The following ELL variants were observed in gnomAD, a reference collection of about 807,000 sequenced individuals.
ELL encodes elongation factor for RNA polymerase II.
Under a neutral mutation model 64.0 loss-of-function variants are expected in ELL, and 18 were observed. The ratio of observed to expected loss-of-function variants is 0.28; its 90% CI spans 0.19 to 0.42. ELL has a LOEUF of 0.42. ELL is among the 10% of genes least tolerant of loss of function. The pLI is 1.00. For missense variants in ELL, 797 were observed against 870.4 expected (o/e 0.92, Z 1.06); for synonymous variants, 399 against 376.2 (o/e 1.06, Z -0.70).
chr19:18,506,632 G>T lies in ELL; in HGVS notation c.135+15289C>A, dbSNP rs1975889377. Among the ~76,000 whole-genome samples, 3 of 152,186 alleles carry T rather than the reference G, an allele frequency of 2.0e-5. No individual in the cohort carries two copies. In the South Asian group the frequency reaches 6.2e-4, roughly 31 times the overall value. ...CCCAGCTATTTGGGAGGCTGAGGTAGGAGGATCACTTGAGCCCGGGAGCCA... is the reference window on the plus strand; with the variant it reads ...CCCAGCTATTTGGGAGGCTGAGGTATGAGGATCACTTGAGCCCGGGAGCCA... On this transcript the variant is annotated intron_variant, in intron 1 of 11. Coordinates refer to ENST00000262809, the MANE Select transcript of ELL (RefSeq NM_006532.4).
In ELL at chr19:18,450,773, G is replaced by T. The variant is rs535472837; in HGVS notation, c.1169C>A (p.Pro390His). The T allele has an allele frequency of 7.0e-6, 11 of 1,579,600 alleles. No individual in the cohort carries two copies. Among genetic ancestry groups the T allele is most frequent in the East Asian group, 6.8e-5 (3 of 43,962 alleles). Reference sequence around the variant, plus strand: ...GGCCAGGGGGTCGTGGGCCCTCGGGGGCTCCAGCCGCGGGGGCAGGTGAGT... The same window carrying T: ...GGCCAGGGGGTCGTGGGCCCTCGGGTGCTCCAGCCGCGGGGGCAGGTGAGT... ...SSTHLPPRLE[P>H]PRAHDPLADV... Residue 390 changes from proline to histidine, a missense_variant, in exon 8 of 12, where the codon CCC becomes CAC. Physicochemically the swap from Pro to His is moderately conservative, Grantham distance 77. Coordinates refer to ENST00000262809, the MANE Select transcript of ELL (RefSeq NM_006532.4).
intron 1 of ELL, among the ~76,000 whole-genome samples, chr19:18,516,613 TGATCTG>T (rs1976136474): frequency 6.6e-6 from 1 of 152,010 alleles, no homozygotes; most frequent in East Asian, 1.9e-4. Flanking sequence ...GTTAGATGAG[TGATCTG>T]GAGTCTCCCA....
chr19:18,450,864 T>C lies in ELL; in HGVS notation c.1078A>G (p.Asn360Asp), dbSNP rs1410818001. ...GTGGGCAGCAAGGCCTCACGGCCAT[T>C]GGGCACGCCCAGCTTCCCGTTGACG... Reference protein sequence around the residue: ...PAVNGKLGVPNGREALLPTPG... With the variant: ...PAVNGKLGVPDGREALLPTPG... Residue 360 changes from asparagine to aspartate, a missense_variant, in exon 8 of 12, where the codon AAT becomes GAT. Asn to Asp is a conservative substitution (Grantham distance 23, BLOSUM62 1). Transcript: ENST00000262809. The C allele has an allele frequency of 6.3e-7, 1 of 1,587,604 alleles. No individual in the cohort carries two copies.
At chr19:18,487,513 G>A (rs915829190) in intron 1 of ELL, among the ~76,000 whole-genome samples, 3 of 152,238 alleles carry the variant, frequency 2.0e-5, no homozygotes, top group African/African-American at 4.8e-5. Context: ...AGAGGCAGCT[G>A]CATGAAACCA....
intron 1 of ELL, among the ~76,000 whole-genome samples, chr19:18,508,819 CA>C (rs1278102735): frequency 1.3e-5 from 2 of 152,214 alleles, no homozygotes; most frequent in East Asian, 3.8e-4. Context: ...ACTTTATTTA[CA>C]AAGACAGGTG....
At chr19:18,477,024 C>T (rs141983070) in intron 1 of ELL, among the ~76,000 whole-genome samples, 208 of 152,290 alleles carry the variant, frequency 1.4e-3, no homozygotes, top group African/African-American at 4.8e-3. Flanking sequence ...ACTCCTAAGC[C>T]AGGGGGAAAA....
chr19:18,446,480 C>T lies in ELL; in HGVS notation c.1533G>A (p.Leu511=), dbSNP rs1359407829. Residue 511 remains leucine, a splice_region_variant and synonymous_variant, in exon 10 of 12, where the codon CTG becomes CTA. Transcript: ENST00000262809. ...CCGAAGAGGAGATGGCTGCGTACTTCCTGAAACAGGAGAGAGGGGCCACTG... is the reference window on the plus strand; with the variant it reads ...CCGAAGAGGAGATGGCTGCGTACTTTCTGAAACAGGAGAGAGGGGCCACTG... ...TSTSETPDYL[L]KYAAISSSEQ... is the part of the protein sequence containing the mutation. 1 of 1,611,242 alleles carries T rather than the reference C, an allele frequency of 6.2e-7. No individual in the cohort carries two copies. Among genetic ancestry groups the T allele is most frequent in the East Asian group, 2.2e-5 (1 of 44,854 alleles).
rs1165512245 is a variant in ELL at position 18,444,431 on chromosome 19, A to G, written c.*321T>C. The G allele has an allele frequency of 1.3e-5, 4 of 304,720 alleles. No individual in the cohort carries two copies. The highest frequency in any genetic ancestry group is 2.1e-5 in the African/African-American group (1 of 47,196). The allele number at this position is 304,720 out of a possible 1,614,324, so 18.9% of individuals were successfully genotyped here. A position where few individuals can be genotyped will look rare whatever the true frequency, so the allele number is the denominator to read the frequency against. Reference sequence around the variant, plus strand: ...AAAGTGGCTGTCTTTGTATAAAACTAGAAAAGGCAGGCGCGCCACCCCAAG... The same window carrying G: ...AAAGTGGCTGTCTTTGTATAAAACTGGAAAAGGCAGGCGCGCCACCCCAAG... On this transcript the variant is annotated 3_prime_UTR_variant, in exon 12 of 12. Transcript: ENST00000262809.
chr19:18,478,929 G>T (rs965244743), intron 1 of ELL, among the ~76,000 whole-genome samples: 2 of 152,250 alleles, frequency 1.3e-5, no homozygotes, highest in Non-Finnish European at 2.9e-5. Flanking sequence ...AGGGTGCAGA[G>T]CCTGGGAGGC....
In ELL at chr19:18,480,204, C is replaced by T. The variant is rs77631254; in HGVS notation, c.136-7322G>A. ...CCCGGGAAGAGCCCTGGACGGTGGC[C>T]TCCCCACAACAGGCCCCCCCTTTCC... On this transcript the variant is annotated intron_variant, in intron 1 of 11. Coordinates refer to ENST00000262809, the MANE Select transcript of ELL (RefSeq NM_006532.4). 1.8e-4 allele frequency among the ~76,000 whole-genome samples: 28 copies of T among 152,336 alleles called. 1 individual carries two copies. The East Asian group carries it at 3.9e-3, about 21-fold the overall frequency.
chr19:18,464,956 G>A (rs1317469067), intron 4 of ELL, among the ~76,000 whole-genome samples: 4 of 152,262 alleles, frequency 2.6e-5, no homozygotes, highest in African/African-American at 9.6e-5. Flanking sequence ...GTTGCCGGCT[G>A]TGGTGGCGTT....
chr19:18,497,703 G>T (rs1975687416), intron 1 of ELL, among the ~76,000 whole-genome samples: 1 of 151,000 alleles, frequency 6.6e-6, no homozygotes, highest in South Asian at 2.1e-4. Flanking sequence ...TGTGGTCCCA[G>T]CTACCCGGGA....
intron 5 of ELL, among the ~76,000 whole-genome samples, chr19:18,458,538 G>T (rs954210952): frequency 2.0e-5 from 3 of 152,142 alleles, no homozygotes; most frequent in Non-Finnish European, 4.4e-5. Context: ...GTGCAGAAGG[G>T]ATAATGAGGG....
chr19:18,487,854 C>T (rs1272335951), intron 1 of ELL, among the ~76,000 whole-genome samples: 3 of 152,234 alleles, frequency 2.0e-5, no homozygotes, highest in African/African-American at 4.8e-5. Context: ...ACAATCTGTA[C>T]TTTCAGAATC....
At chr19:18,507,280 C>T (rs553209522) in intron 1 of ELL, among the ~76,000 whole-genome samples, 15 of 152,348 alleles carry the variant, frequency 9.8e-5, no homozygotes, top group Non-Finnish European at 1.9e-4. Flanking sequence ...AAGGGTCACA[C>T]CCAACTCTGA....
intron 1 of ELL, among the ~76,000 whole-genome samples, chr19:18,482,583 G>A (rs920769174): frequency 6.6e-6 from 1 of 151,766 alleles, no homozygotes; most frequent in African/African-American, 2.4e-5. Flanking sequence ...AGTGATTTCG[G>A]CCTCCCAAAA....
chr19:18,466,216 A>C (rs1043729574), intron 2 of ELL, among the ~76,000 whole-genome samples: 19 of 152,194 alleles, frequency 1.2e-4, no homozygotes, highest in Admixed American at 6.5e-4. Context: ...GCCCAGATGC[A>C]GGGCCCCCAC....
chr19:18,464,898 C>T (rs572066684), intron 4 of ELL, among the ~76,000 whole-genome samples: 3 of 152,322 alleles, frequency 2.0e-5, no homozygotes, highest in African/African-American at 7.2e-5. Context: ...AGCTTTCCTG[C>T]AGTGCTGGGT....
At chr19:18,521,736 G>A (rs1365959413) in intron 1 of ELL, among the ~76,000 whole-genome samples, 185 bp downstream of exon 1, 1 of 152,060 alleles carries the variant, frequency 6.6e-6, no homozygotes, top group African/African-American at 2.4e-5. Context: ...CTAGTGCTGA[G>A]AAGGAACGCG....
Sources: allele counts gnomAD v4.1 joint callset (sites outside exome capture counted in the v4.1 genomes callset), GRCh38; gene constraint gnomAD v4.1.1; transcripts MANE v1.5; gene names NCBI Gene and HGNC (gene_info 2026-07-23, HGNC 2026-07-21).